Variants in NLRP1 observed in about 807,000 individuals in gnomAD.
NLRP1 encodes the protein NACHT, LRR and PYD domains-containing protein 1.
In NLRP1, 94 loss-of-function variants were observed where a neutral mutation model predicts 136.7. That is an observed-to-expected ratio of 0.69 (90% CI 0.58 to 0.82). The LOEUF (loss-of-function observed/expected upper bound fraction) is 0.82. Ranked by LOEUF, NLRP1 falls within the 40% of genes least tolerant of loss-of-function variation. NLRP1 has a pLI of 0.00. For synonymous variants in NLRP1, 690 were observed against 725.1 expected, an observed-to-expected ratio of 0.95 and a Z score of 0.78; for missense variants, 1,575 against 1,802.7, an observed-to-expected ratio of 0.87 and a Z score of 2.29.
chr17:5,533,061 G>C (rs1201711657), intron 10 of NLRP1, 77 bp from the exon 11 acceptor site: 1 of 1,498,036 alleles, frequency 6.7e-7, no homozygotes, highest in Admixed American at 2.3e-5. Flanking sequence ...CACTGTAAGG[G>C]GCCCTTCCCA....
intron 5 of NLRP1, among the ~76,000 whole-genome samples, chr17:5,546,216 T>C (rs765867176): frequency 1.1e-4 from 17 of 152,184 alleles, no homozygotes; most frequent in Non-Finnish European, 2.2e-4. Flanking sequence ...GTATCATGGA[T>C]CTGCCATGTC....
intron 3 of NLRP1, among the ~76,000 whole-genome samples, chr17:5,575,899 A>G (rs968426339): frequency 6.6e-6 from 1 of 152,244 alleles, no homozygotes; most frequent in African/African-American, 2.4e-5. Flanking sequence ...CAAATGTAAA[A>G]GGACAGAAAT....
chr17:5,520,053 C>T (rs1039036235), intron 14 of NLRP1, among the ~76,000 whole-genome samples: 5 of 151,566 alleles, frequency 3.3e-5, no homozygotes, highest in African/African-American at 1.2e-4. Flanking sequence ...GACAGGGTTT[C>T]ACCATGTTGG....
At chr17:5,516,567 T>C (rs1045978254) in intron 15 of NLRP1, among the ~76,000 whole-genome samples, 4 of 152,218 alleles carry the variant, frequency 2.6e-5, no homozygotes, top group African/African-American at 9.6e-5. Flanking sequence ...AAAGATAACA[T>C]TGCTACGATT....
rs1268475706 is a variant in NLRP1 at position 5,561,721 on chromosome 17, G to T, written c.653-1678C>A. 4.6e-5 allele frequency among the ~76,000 whole-genome samples: 2 copies of T among 43,046 alleles called. 1 individual carries two copies. The highest frequency in any genetic ancestry group is 1.1e-4 in the Non-Finnish European group (2 of 17,990). 28.2% of individuals were successfully genotyped at this position (43,046 alleles called of 152,430 possible). A position where few individuals can be genotyped will look rare whatever the true frequency, so the allele number is the denominator to read the frequency against. On this transcript the variant is annotated intron_variant, in intron 3 of 16. Coordinates refer to ENST00000572272, the MANE Select transcript of NLRP1 (RefSeq NM_033004.4). ...GCCTCCCAAAGTGCTGGGATTACAG[G>T]CGTGAGCCACCGCGCCCGGCCCCAT...
chr17:5,532,600 T>A lies in NLRP1; in HGVS notation c.3296+222A>T, dbSNP rs1406611294. On this transcript the variant is annotated intron_variant, in intron 11 of 16. Coordinates refer to ENST00000572272, the MANE Select transcript of NLRP1 (RefSeq NM_033004.4). ...AAGCTCCTTGTACTATTTTTGTATA[T>A]GTTTGAAAATTTTAAGTTTCATAAG... Among the ~76,000 whole-genome samples the A allele has an allele frequency of 5.9e-5, 9 of 152,182 alleles. No homozygotes were observed. In the South Asian group the frequency reaches 1.0e-3, roughly 18 times the overall value.
At chr17:5,560,081 G>T (rs759581599) in intron 3 of NLRP1, 38 bp from the exon 4 acceptor site, 1 of 1,479,474 alleles carries the variant, frequency 6.8e-7, no homozygotes, top group Non-Finnish European at 9.0e-7. Flanking sequence ...TAAAGGTAGA[G>T]AATAGAAGAA....
rs754014640 is a variant in NLRP1, at chr17:5,514,897, G to T, written c.4279C>A (p.Arg1427=). 1 of 1,614,028 alleles carries T rather than the reference G, an allele frequency of 6.2e-7. No homozygotes were observed. Among genetic ancestry groups the T allele is most frequent in the Non-Finnish European group, 8.5e-7 (1 of 1,180,038 alleles). ...LAENTRPSQM[R]KLFSLSQSWD... Reference sequence around the variant, plus strand: ...GACTGGCTCAAGCTGAACAGCTTCCGCATCTGGCTGGGCCTCGTGTTCTCA... The same window carrying T: ...GACTGGCTCAAGCTGAACAGCTTCCTCATCTGGCTGGGCCTCGTGTTCTCA... The change falls in exon 17 of 17, where the codon CGG becomes AGG. Residue 1427 remains arginine, a synonymous_variant. Coordinates refer to ENST00000572272, the MANE Select transcript of NLRP1 (RefSeq NM_033004.4).
downstream of NLRP1, among the ~76,000 whole-genome samples, chr17:5,510,998 C>A (rs1041280891): frequency 5.3e-5 from 8 of 152,118 alleles, no homozygotes; most frequent in East Asian, 1.5e-3. Context: ...GTCAAACAAC[C>A]GTTTGACGCA....
At chr17:5,551,602 A>G (rs953094841) in intron 5 of NLRP1, among the ~76,000 whole-genome samples, 3 of 152,220 alleles carry the variant, frequency 2.0e-5, no homozygotes, top group Admixed American at 6.5e-5. Flanking sequence ...GAAAACTGCT[A>G]GACTGTATTC....
chr17:5,512,316 T>C, downstream of NLRP1: 1 of 1,442,978 alleles, frequency 6.9e-7, no homozygotes, highest in Non-Finnish European at 9.8e-7. Flanking sequence ...CAAAAGGACA[T>C]TCGCCAAGAG....
rs758375266 is a variant in NLRP1, at chr17:5,559,865, T to C, written c.831A>G (p.Lys277=). 1 of 1,614,240 alleles carries C rather than the reference T, an allele frequency of 6.2e-7. No homozygotes were observed. Among genetic ancestry groups the C allele is most frequent in the South Asian group, 1.1e-5 (1 of 91,088 alleles). Residue 277 remains lysine, a synonymous_variant, in exon 4 of 17, where the codon AAA becomes AAG. Coordinates refer to ENST00000572272, the MANE Select transcript of NLRP1 (RefSeq NM_033004.4). ...WPWKNEDFNQ[K]FTQLLLLQRP... ...TTTGTAGAAGTAGCAGCTGTGTGAA[T>C]TTTTGGTTAAAATCCTCATTTTTCC...
downstream of NLRP1, among the ~76,000 whole-genome samples, chr17:5,513,202 A>C (rs1329078500): frequency 6.6e-6 from 1 of 152,242 alleles, no homozygotes; most frequent in African/African-American, 2.4e-5. Context: ...AGACAACAGA[A>C]GACTAGTTTT....
intron 3 of NLRP1, among the ~76,000 whole-genome samples, chr17:5,579,051 A>T (rs1484297127): frequency 6.6e-6 from 1 of 152,152 alleles, no homozygotes; most frequent in Non-Finnish European, 1.5e-5. Context: ...CATAGGTGGG[A>T]AATGAACAAT....
In NLRP1 at chr17:5,559,538, T is replaced by A. The variant is rs902420046; in HGVS notation, c.1158A>T (p.Lys386Asn). ...KVVSLAELIG[K>N]DGTATPAPIR... Reference sequence around the variant, plus strand: ...TGGGAGCCGGAGTGGCTGTCCCATCTTTTCCGATGAGCTCAGCGAGACTCA... The same window carrying A: ...TGGGAGCCGGAGTGGCTGTCCCATCATTTCCGATGAGCTCAGCGAGACTCA... The change falls in exon 4 of 17, where the codon AAA becomes AAT. Residue 386 changes from lysine (K) to asparagine (N), a missense_variant. Physicochemically the swap from Lys to Asn is moderately conservative, Grantham distance 94 (BLOSUM62 0). Transcript: ENST00000572272. 6.2e-7 allele frequency: 1 copy of A among 1,614,142 alleles called. No homozygotes were observed. Among genetic ancestry groups the A allele is most frequent in the Admixed American group, 1.7e-5 (1 of 60,024 alleles).
chr17:5,516,495 T>C (rs1418027204), intron 15 of NLRP1, among the ~76,000 whole-genome samples: 1 of 152,204 alleles, frequency 6.6e-6, no homozygotes, highest in Non-Finnish European at 1.5e-5. Context: ...AGACTTTTTC[T>C]ATGAGTTCCA....
At chr17:5,529,676 AT>A (rs965626177) in intron 12 of NLRP1, among the ~76,000 whole-genome samples, 92 of 144,846 alleles carry the variant, frequency 6.4e-4, no homozygotes, top group African/African-American at 2.2e-3. Context: ...TTGTTTTTTC[AT>A]TTTTTTTAGT....
Position 5,572,711 on chromosome 17 carries a change from G to GA in NLRP1, c.652+9147dup, listed in dbSNP as rs35389652. ...GATGACAGTGTGATACTTTGTCTCA[G>GA]AAAAAAAAAAAAAAAAAAGTGGACA... On this transcript the variant is annotated intron_variant, in intron 3 of 16. Transcript: ENST00000572272. Among the ~76,000 whole-genome samples the GA allele has an allele frequency of 2.3e-3, 267 of 113,730 alleles. 1 individual carries two copies. Among genetic ancestry groups the GA allele is most frequent in the African/African-American group, 7.1e-3 (194 of 27,182 alleles). 74.6% of individuals were successfully genotyped at this position (113,730 alleles called of 152,430 possible).
intron 14 of NLRP1, among the ~76,000 whole-genome samples, chr17:5,519,848 CTTTTTTTTTTTT>C (rs755028729): frequency 0.011 from 964 of 90,256 alleles, 16 homozygotes; most frequent in South Asian, 0.047. Context: ...TAAATCAGGT[CTTTTTTTTTTTT>C]TTTTTTTTTT....
Sources: gnomAD v4.1 joint callset for allele counts (sites outside exome capture counted in the v4.1 genomes callset) on GRCh38, gnomAD v4.1.1 for gene constraint, MANE v1.5 for transcripts, NCBI Gene and HGNC (gene_info 2026-07-23, HGNC 2026-07-21) for gene names.